Variants in TMCO4 observed in about 807,000 individuals in gnomAD.
TMCO4 encodes the protein transmembrane and coiled-coil domains 4.
Under a neutral mutation model 64.7 loss-of-function variants are expected in TMCO4, and 58 were observed. The observed-to-expected ratio is 0.90, with a 90% CI of 0.73 to 1.12. The LOEUF (loss-of-function observed/expected upper bound fraction) is 1.12. Ranked by LOEUF, TMCO4 falls within the 50% of genes most tolerant of loss-of-function variation. TMCO4 has a pLI of 0.00. For missense variants in TMCO4, 780 were observed against 825.9 expected, an observed-to-expected ratio of 0.94 and a Z score of 0.68; for synonymous variants, 325 against 346.1, an observed-to-expected ratio of 0.94 and a Z score of 0.68.
At chr1:19,790,225 A>T (rs1389205561) in intron 2 of TMCO4, among the ~76,000 whole-genome samples, 1 of 152,162 alleles carries the variant, frequency 6.6e-6, no homozygotes, top group Admixed American at 6.5e-5. Context: ...CTAGAAGAAC[A>T]TCTAGGCAAT....
chr1:19,780,256 G>A (rs1364922340), intron 4 of TMCO4, among the ~76,000 whole-genome samples: 1 of 152,180 alleles, frequency 6.6e-6, no homozygotes, highest in Non-Finnish European at 1.5e-5. Flanking sequence ...GGACCATACA[G>A]TGTGGACCTG....
At chr1:19,719,675 T>C (rs1431450760) in intron 13 of TMCO4, among the ~76,000 whole-genome samples, 2 of 152,128 alleles carry the variant, frequency 1.3e-5, no homozygotes, top group East Asian at 1.9e-4. Context: ...GCTACAGATG[T>C]ATACCACCAT....
At chr1:19,798,968 T>C (rs1324676001) in intron 1 of TMCO4, among the ~76,000 whole-genome samples, 1 of 152,228 alleles carries the variant, frequency 6.6e-6, no homozygotes, top group African/African-American at 2.4e-5. Context: ...GACTCCTACT[T>C]CGAGTTAGGT....
intron 15 of TMCO4, among the ~76,000 whole-genome samples, chr1:19,691,862 C>T (rs2095197671): frequency 6.6e-6 from 1 of 152,100 alleles, no homozygotes; most frequent in Non-Finnish European, 1.5e-5. Context: ...GGTGGTTTCC[C>T]CCAACCTGTT....
At chr1:19,798,978 T>A (rs1373366855) in intron 1 of TMCO4, among the ~76,000 whole-genome samples, 1 of 152,186 alleles carries the variant, frequency 6.6e-6, no homozygotes, top group African/African-American at 2.4e-5. Context: ...TCGAGTTAGG[T>A]AGTAGTCTGG....
chr1:19,767,059 G>A (rs977595750), intron 6 of TMCO4, among the ~76,000 whole-genome samples: 6 of 152,164 alleles, frequency 3.9e-5, no homozygotes, highest in African/African-American at 1.4e-4. Context: ...ATCAAAGCCT[G>A]GTATTATTTA....
chr1:19,713,544 C>G (rs2095341611), intron 13 of TMCO4, among the ~76,000 whole-genome samples: 1 of 151,974 alleles, frequency 6.6e-6, no homozygotes, highest in South Asian at 2.1e-4. Context: ...ATCCTTTAGG[C>G]AAGATCCAGG....
chr1:19,705,220 G>A (rs2095296095), intron 13 of TMCO4, among the ~76,000 whole-genome samples: 1 of 152,158 alleles, frequency 6.6e-6, no homozygotes, highest in Non-Finnish European at 1.5e-5. Context: ...GGAGGCTGAG[G>A]CGGATGGATC....
intron 7 of TMCO4, among the ~76,000 whole-genome samples, chr1:19,751,210 T>A (rs16822822): frequency 0.1 from 15,286 of 152,250 alleles, 990 homozygotes; most frequent in South Asian, 0.27. Context: ...CAACAAGAAT[T>A]GGAGGTGACC....
chr1:19,726,331 C>CG lies in TMCO4; in HGVS notation c.1264+11040dup, dbSNP rs148097932. Among the ~76,000 whole-genome samples, 1,189 of 152,174 alleles carry CG rather than the reference C, an allele frequency of 7.8e-3. 15 individuals are homozygous for CG. Among genetic ancestry groups the CG allele is most frequent in the African/African-American group, 0.027 (1,133 of 41,500 alleles). ...ATGGCCCTGGGTGTGATGCCTGGCTCGGCCACCTTCCAGCTCTGACTCTGG... is the reference window on the plus strand; with the variant it reads ...ATGGCCCTGGGTGTGATGCCTGGCTCGGGCCACCTTCCAGCTCTGACTCTGG... On this transcript the variant is annotated intron_variant, in intron 13 of 15. Transcript: ENST00000294543.
intron 13 of TMCO4, among the ~76,000 whole-genome samples, 158 bp downstream of exon 13, chr1:19,737,214 A>G (rs995059767): frequency 2.6e-5 from 4 of 152,216 alleles, no homozygotes; most frequent in African/African-American, 9.7e-5. Context: ...AAGGTTGATG[A>G]CGATTTTTCT....
chr1:19,796,059 T>C (rs1014098638), intron 2 of TMCO4, among the ~76,000 whole-genome samples: 5 of 152,240 alleles, frequency 3.3e-5, no homozygotes, highest in Non-Finnish European at 5.9e-5. Context: ...AATAGTGCCC[T>C]TTCCAAAAGC....
At chr1:19,721,192 A>C (rs1157141963) in intron 13 of TMCO4, among the ~76,000 whole-genome samples, 1 of 152,194 alleles carries the variant, frequency 6.6e-6, no homozygotes, top group Non-Finnish European at 1.5e-5. Flanking sequence ...AAGGAAACTG[A>C]GAATGGTCCC....
intron 13 of TMCO4, among the ~76,000 whole-genome samples, chr1:19,703,522 C>CT (rs2095285714): frequency 6.7e-6 from 1 of 149,848 alleles, no homozygotes; most frequent in Admixed American, 6.7e-5. Context: ...TCCCTCCCTC[C>CT]TTCTTTTCTT....
At chr1:19,700,154 C>T (rs560529067) in intron 14 of TMCO4, among the ~76,000 whole-genome samples, 34 of 152,306 alleles carry the variant, frequency 2.2e-4, no homozygotes, top group Admixed American at 4.6e-4. Context: ...GCTGAAACCC[C>T]GCAGGTCCTC....
intron 3 of TMCO4, among the ~76,000 whole-genome samples, chr1:19,785,346 C>G (rs1341686046): frequency 6.6e-6 from 1 of 152,188 alleles, no homozygotes; most frequent in Non-Finnish European, 1.5e-5. Flanking sequence ...TCATTCTTAC[C>G]TAAAATAATG....
intron 7 of TMCO4, among the ~76,000 whole-genome samples, chr1:19,751,804 T>C (rs1013819498): frequency 1.3e-5 from 2 of 152,138 alleles, no homozygotes; most frequent in Admixed American, 6.5e-5. Flanking sequence ...GTCCCAGCAC[T>C]TTGGGAGGCC....
chr1:19,767,861 G>A (rs2042805036), intron 6 of TMCO4, among the ~76,000 whole-genome samples: 2 of 152,120 alleles, frequency 1.3e-5, no homozygotes, highest in African/African-American at 4.8e-5. Flanking sequence ...GGAGGCCGAG[G>A]TGGGTGGATC....
rs1364567044 is a variant in TMCO4, at chr1:19,755,699, C to T, written c.450G>A (p.Glu150=). 1.9e-6 allele frequency: 3 copies of T among 1,614,176 alleles called. No individual in the cohort carries two copies. The highest frequency in any genetic ancestry group is 2.5e-6 in the Non-Finnish European group (3 of 1,180,034). Residue 150 remains glutamate, a synonymous_variant, in exon 7 of 16, where the codon GAG becomes GAA. Coordinates refer to ENST00000294543, the MANE Select transcript of TMCO4 (RefSeq NM_181719.7). The stretch of plus-strand genomic sequence containing the variant: ...ACATCTCTTCAAGGACATCCAGCTC[C>T]TCCAAGGGCACTTGGAGCAGGGAGG... ...HMTSLLQVPL[E]ELDVLEEMFL...
Sources: gnomAD v4.1 joint callset for allele counts (sites outside exome capture counted in the v4.1 genomes callset) on GRCh38, gnomAD v4.1.1 for gene constraint, MANE v1.5 for transcripts, NCBI Gene and HGNC (gene_info 2026-07-23, HGNC 2026-07-21) for gene names.